Variants in BEND5 observed in about 807,000 individuals in gnomAD.
BEND5 encodes BEN domain-containing protein 5.
BEND5 carries 22 observed loss-of-function variants against 43.9 expected under a neutral mutation model. The observed-to-expected ratio is 0.50, with a 90% CI of 0.36 to 0.72. The LOEUF (loss-of-function observed/expected upper bound fraction) is 0.72, where lower values mean the gene tolerates loss of function less well. Among genes scored for constraint, BEND5 ranks in the 30% least tolerant of loss-of-function variants. BEND5 has a pLI of 0.00. For synonymous variants in BEND5, 228 were observed against 225.9 expected (o/e 1.01, Z -0.08); for missense variants, 428 against 550.6 (o/e 0.78, Z 2.23).
chr1:48,738,654 G>A (rs1649441652), intron 4 of BEND5, among the ~76,000 whole-genome samples: 1 of 152,208 alleles, frequency 6.6e-6, no homozygotes. Flanking sequence ...AAATCATAGA[G>A]ATGGATGCCA....
intron 1 of BEND5, among the ~76,000 whole-genome samples, chr1:48,773,394 G>A (rs1644930346): frequency 6.6e-6 from 1 of 152,098 alleles, no homozygotes; most frequent in African/African-American, 2.4e-5. Context: ...AGAGGTCAAA[G>A]GTGAGTCAAA....
At chr1:48,770,517 T>C (rs1644758838) in intron 1 of BEND5, among the ~76,000 whole-genome samples, 1 of 152,132 alleles carries the variant, frequency 6.6e-6, no homozygotes, top group Non-Finnish European at 1.5e-5. Flanking sequence ...CTTGCACGCT[T>C]CTCTCACTCT....
intron 5 of BEND5, among the ~76,000 whole-genome samples, chr1:48,731,517 A>ACAG (rs1208655620): frequency 6.6e-6 from 1 of 152,216 alleles, no homozygotes; most frequent in Non-Finnish European, 1.5e-5. Context: ...AAGATGAATG[A>ACAG]CAGCAGCATC....
At chr1:48,730,358 C>T (rs1453208556) in intron 5 of BEND5, among the ~76,000 whole-genome samples, 2 of 152,306 alleles carry the variant, frequency 1.3e-5, no homozygotes, top group South Asian at 2.1e-4. Context: ...AGATGCTGTG[C>T]AACCTCTAGG....
rs1326065629 is a variant in BEND5, at chr1:48,761,386, C to T, written c.311G>A (p.Gly104Glu). The change falls in exon 2 of 6, where the codon GGA (glycine) becomes GAA (glutamate). Residue 104 changes from glycine (G) to glutamate (E), a missense_variant. Coordinates refer to ENST00000371833, the MANE Select transcript of BEND5 (RefSeq NM_024603.4). Reference sequence around the variant, plus strand: ...TTCTTCCCCATAATCTTTAACCTCTCCATCTTCTTCTACATGATTAAGAGA... The same window carrying T: ...TTCTTCCCCATAATCTTTAACCTCTTCATCTTCTTCTACATGATTAAGAGA... ...KLSLNHVEED[G>E]EVKDYGEEDL... 6.4e-7 allele frequency: 1 copy of T among 1,551,870 alleles called. No homozygotes were observed. Among genetic ancestry groups the T allele is most frequent in the Admixed American group, 2.0e-5 (1 of 51,002 alleles).
At chr1:48,772,781 G>A (rs1644901021) in intron 1 of BEND5, among the ~76,000 whole-genome samples, 1 of 152,218 alleles carries the variant, frequency 6.6e-6, no homozygotes, top group African/African-American at 2.4e-5. Context: ...AAGAGCTGAT[G>A]CTGACCTGAA....
intron 3 of BEND5, among the ~76,000 whole-genome samples, chr1:48,752,354 G>A (rs1210198473): frequency 6.6e-6 from 1 of 152,154 alleles, no homozygotes; most frequent in Non-Finnish European, 1.5e-5. Flanking sequence ...AAATCTAGGA[G>A]GTCAAATGGG....
chr1:48,735,356 T>G (rs967052726), intron 5 of BEND5, among the ~76,000 whole-genome samples: 4 of 151,338 alleles, frequency 2.6e-5, no homozygotes, highest in African/African-American at 9.7e-5. Context: ...TCAATACCCA[T>G]TAGAGGGCCT....
chr1:48,752,162 C>A (rs978819091), intron 3 of BEND5, among the ~76,000 whole-genome samples: 4 of 152,146 alleles, frequency 2.6e-5, no homozygotes, highest in Non-Finnish European at 1.5e-5. Context: ...TCTAACTAGA[C>A]AAAATGGCTC....
chr1:48,775,317 G>A (rs965244107), intron 1 of BEND5, among the ~76,000 whole-genome samples: 1 of 152,126 alleles, frequency 6.6e-6, no homozygotes, highest in African/African-American at 2.4e-5. Context: ...ATTTTTCAGA[G>A]GCAACATGAG....
In BEND5 at chr1:48,759,016, T is replaced by G. The variant is rs763140197; in HGVS notation, c.629A>C (p.Gln210Pro). ...LQQELERTRR[Q>P]LVQQAKKLKE... The stretch of plus-strand genomic sequence containing the variant: ...GAGCTTCTTGGCCTGTTGTACCAGC[T>G]GCCTCCGAGTCCGCTCCAGCTCCTG... Residue 210 changes from glutamine to proline, a missense_variant, in exon 3 of 6, where the codon CAG becomes CCG. Physicochemically the swap from Gln to Pro is moderately conservative, Grantham distance 76. This residue lies in a region of BEND5 where 243 missense variants were observed against 286.4 expected (regional missense o/e 0.85). Transcript: ENST00000371833. The G allele has an allele frequency of 6.2e-7, 1 of 1,614,054 alleles. No individual in the cohort carries two copies. Among genetic ancestry groups the G allele is most frequent in the Non-Finnish European group, 8.5e-7 (1 of 1,179,994 alleles).
chr1:48,769,563 ACACACAC>A (rs912075423), intron 1 of BEND5, among the ~76,000 whole-genome samples: 3 of 147,214 alleles, frequency 2.0e-5, no homozygotes, highest in East Asian at 4.0e-4. Context: ...ACACACACAC[ACACACAC>A]AAGTTAAATT....
chr1:48,740,882 T>A (rs1649812672), intron 4 of BEND5, among the ~76,000 whole-genome samples: 1 of 152,200 alleles, frequency 6.6e-6, no homozygotes, highest in Non-Finnish European at 1.5e-5. Context: ...TTTAAAACTC[T>A]CTCTGCCTGA....
At chr1:48,763,100 AAACAAC>A (rs138330596) in intron 1 of BEND5, among the ~76,000 whole-genome samples, 38,220 of 151,084 alleles carry the variant, frequency 0.25, 6,102 homozygotes, top group East Asian at 0.69. Context: ...GATTTAATTA[AAACAAC>A]AACAACAACA....
intron 1 of BEND5, among the ~76,000 whole-genome samples, chr1:48,763,697 G>C (rs1644392038): frequency 6.6e-6 from 1 of 152,178 alleles, no homozygotes; most frequent in South Asian, 2.1e-4. Context: ...GATCATGTTA[G>C]TGTGGAGAAA....
chr1:48,752,626 T>G (rs1284653245), intron 3 of BEND5, among the ~76,000 whole-genome samples: 4 of 152,230 alleles, frequency 2.6e-5, no homozygotes, highest in Non-Finnish European at 5.9e-5. Context: ...GTGCCTATGA[T>G]GTGCCAAGTG....
At chr1:48,728,440 T>C (rs1647549400) in intron 5 of BEND5, among the ~76,000 whole-genome samples, 1 of 151,802 alleles carries the variant, frequency 6.6e-6, no homozygotes, top group Non-Finnish European at 1.5e-5. Context: ...TTTTCCATTT[T>C]CAATCTTTTT....
chr1:48,745,853 C>T (rs1361480492), intron 3 of BEND5, among the ~76,000 whole-genome samples: 1 of 152,060 alleles, frequency 6.6e-6, no homozygotes, highest in East Asian at 1.9e-4. Flanking sequence ...TTGCACTCTC[C>T]CCACCCCTCT....
chr1:48,773,572 T>G (rs976808527), intron 1 of BEND5, among the ~76,000 whole-genome samples: 1 of 152,148 alleles, frequency 6.6e-6, no homozygotes, highest in Non-Finnish European at 1.5e-5. Context: ...AAACTAAAAT[T>G]ATACTCTGGC....
Sources: gnomAD v4.1 joint callset for allele counts (sites outside exome capture counted in the v4.1 genomes callset) on GRCh38, gnomAD v4.1.1 for gene constraint, gnomAD v4.1.1 regional missense constraint, MANE v1.5 for transcripts, NCBI Gene and HGNC (gene_info 2026-07-23, HGNC 2026-07-21) for gene names.